The following RAD51D variants were observed in gnomAD, a reference collection of about 807,000 sequenced individuals.
RAD51D encodes the protein DNA repair protein RAD51 homolog 4.
In RAD51D, 38 loss-of-function variants were observed where a neutral mutation model predicts 44.1. That is an observed-to-expected ratio of 0.86 (90% CI 0.67 to 1.13). The LOEUF (loss-of-function observed/expected upper bound fraction) is 1.13. RAD51D is among the 50% of genes most tolerant of loss of function. RAD51D has a pLI of 0.00. For synonymous variants in RAD51D, 141 were observed against 166.6 expected, an observed-to-expected ratio of 0.85 and a Z score of 1.18; for missense variants, 390 against 414.0, an observed-to-expected ratio of 0.94 and a Z score of 0.50.
chr17:35,111,908 C>T (rs966643154), intron 3 of RAD51D, among the ~76,000 whole-genome samples: 2 of 152,210 alleles, frequency 1.3e-5, no homozygotes, highest in Admixed American at 1.3e-4. Context: ...GTCTCCCAAT[C>T]CATGAACAAA....
chr17:35,118,660 T>C lies in RAD51D; in HGVS notation c.145-41A>G, dbSNP rs755696142. On this transcript the variant is annotated intron_variant, in intron 2 of 9. Transcript: ENST00000345365. Reference sequence around the variant, plus strand: ...AGACTGCTCAGCAACAAATTGCCCGTAGAAGCTGGCATCCCAGGGTGTCAT... The same window carrying C: ...AGACTGCTCAGCAACAAATTGCCCGCAGAAGCTGGCATCCCAGGGTGTCAT... 18 of 1,490,928 alleles carry C rather than the reference T, an allele frequency of 1.2e-5. No individual in the cohort carries two copies. The highest frequency in any genetic ancestry group is 1.7e-5 in the Non-Finnish European group (18 of 1,068,250). 92.4% of individuals were successfully genotyped at this position (1,490,928 alleles called of 1,614,324 possible).
In RAD51D at chr17:35,100,705, G is replaced by T. The variant is rs757673099; in HGVS notation, c.*248C>A. 9.5e-6 allele frequency: 6 copies of T among 632,360 alleles called. No homozygotes were observed. Among genetic ancestry groups the T allele is most frequent in the South Asian group, 4.8e-5 (3 of 62,680 alleles). 39.2% of individuals were successfully genotyped at this position (632,360 alleles called of 1,614,324 possible). A position where few individuals can be genotyped will look rare whatever the true frequency, so the allele number is the denominator to read the frequency against. ...CTTGGTTTCCACCAGAAACATACAC[G>T]TTAGAAATAAGGGAAGGAAACGTGG... On this transcript the variant is annotated 3_prime_UTR_variant, in exon 10 of 10. Coordinates refer to ENST00000345365, the MANE Select transcript of RAD51D (RefSeq NM_002878.4).
chr17:35,103,471 C>T lies in RAD51D; in HGVS notation c.650G>A (p.Gly217Glu), dbSNP rs2142420356. ...SVTAVVSPLL[G>E]GQQREGLALM... ...TCACTCACCTTCCCTCTGCTGACCT[C>T]CCAGAAGTGGGGAAACCACCGCAGT... is the stretch of plus-strand genomic sequence containing the variant. Residue 217 changes from glycine (G) to glutamate (E), a missense_variant, in exon 7 of 10, where the codon GGA becomes GAA. Coordinates refer to ENST00000345365, the MANE Select transcript of RAD51D (RefSeq NM_002878.4). This position sits in a 1 kb window ranked among gnomAD's most constrained non-coding sequence, Gnocchi z 4.1. 6.2e-7 allele frequency: 1 copy of T among 1,614,136 alleles called. No individual in the cohort carries two copies. The highest frequency in any genetic ancestry group is 8.5e-7 in the Non-Finnish European group (1 of 1,180,030).
At chr17:35,117,650 C>T (rs141953134) in intron 3 of RAD51D, among the ~76,000 whole-genome samples, 8 of 152,228 alleles carry the variant, frequency 5.3e-5, no homozygotes, top group African/African-American at 1.4e-4. Context: ...CCACCACGCC[C>T]GACTAATTTT....
intron 3 of RAD51D, among the ~76,000 whole-genome samples, chr17:35,116,013 G>GAAAGAAAGAAA (rs1555569879): frequency 1.3e-5 from 2 of 148,738 alleles, no homozygotes; most frequent in Middle Eastern, 3.4e-3. Context: ...AAGAAAGAAA[G>GAAAGAAAGAAA]GCTAGAAACC....
In RAD51D at chr17:35,118,637, A is replaced by G. The variant is rs1567735483; in HGVS notation, c.145-18T>C. On this transcript the variant is annotated intron_variant, in intron 2 of 9. Coordinates refer to ENST00000345365, the MANE Select transcript of RAD51D (RefSeq NM_002878.4). ...ACCAGGGCCTGCCAAAGGGCCCCAGACTGCTCAGCAACAAATTGCCCGTAG... is the reference window on the plus strand; with the variant it reads ...ACCAGGGCCTGCCAAAGGGCCCCAGGCTGCTCAGCAACAAATTGCCCGTAG... 6.3e-7 allele frequency: 1 copy of G among 1,597,926 alleles called. No individual in the cohort carries two copies. The highest frequency in any genetic ancestry group is 8.6e-7 in the Non-Finnish European group (1 of 1,165,366).
chr17:35,119,411 G>C, intron 1 of RAD51D, 121 bp downstream of exon 1: 2 of 1,193,684 alleles, frequency 1.7e-6, no homozygotes, highest in African/African-American at 1.5e-5. Context: ...CCAGAAGCGC[G>C]GCCCTCTAGG....
In RAD51D at chr17:35,101,233, G is replaced by T. The variant is rs372038369; in HGVS notation, c.871C>A (p.Arg291Ser). 1 of 1,614,132 alleles carries T rather than the reference G, an allele frequency of 6.2e-7. No homozygotes were observed. Among genetic ancestry groups the T allele is most frequent in the Non-Finnish European group, 8.5e-7 (1 of 1,180,026 alleles). The change falls in exon 9 of 10, where the codon CGC becomes AGC. Residue 291 changes from arginine (R) to serine (S), a missense_variant. Coordinates refer to ENST00000345365, the MANE Select transcript of RAD51D (RefSeq NM_002878.4). ...IEGAGASGGRRMACLAKSSRQ... is the reference protein window; with the variant it reads ...IEGAGASGGRSMACLAKSSRQ... ...GAAGATTTGGCCAGACACGCCATGC[G>T]CCGGCCGCCTGATGCTCCTGCTCCC...
intron 5 of RAD51D, 36 bp from the exon 6 acceptor site, chr17:35,106,517 T>C: frequency 6.6e-7 from 1 of 1,509,722 alleles, no homozygotes; most frequent in East Asian, 2.3e-5. Flanking sequence ...GGACTTTGGA[T>C]AAGAGGGAGT....
chr17:35,101,147 G>A (rs1377589477), intron 9 of RAD51D, 54 bp downstream of exon 9: 3 of 1,613,568 alleles, frequency 1.9e-6, no homozygotes, highest in African/African-American at 2.7e-5. Flanking sequence ...CTGTGGGTAT[G>A]GAAACCACCC....
chr17:35,107,228 C>T (rs367651345), intron 4 of RAD51D, 106 bp from the exon 5 acceptor site: 16 of 1,491,634 alleles, frequency 1.1e-5, no homozygotes, highest in African/African-American at 8.3e-5. Context: ...GGCTGAGTCC[C>T]GACCCCATTC....
At chr17:35,107,852 T>C (rs186639417) in intron 3 of RAD51D, among the ~76,000 whole-genome samples, 2 of 142,740 alleles carry the variant, frequency 1.4e-5, no homozygotes, top group African/African-American at 2.6e-5. Context: ...CCTCCCAGGC[T>C]CAAGTGATTT....
At chr17:35,101,087 C>T (rs2142409889) in intron 9 of RAD51D, 51 bp from the exon 10 acceptor site, 1 of 1,604,596 alleles carries the variant, frequency 6.2e-7, no homozygotes, top group Non-Finnish European at 8.5e-7. Context: ...AAGTGGGTAG[C>T]TTCTTTAGTT....
At chr17:35,115,896 AAAGGAAGGAAGG>A (rs201705308) in intron 3 of RAD51D, among the ~76,000 whole-genome samples, 1,755 of 84,366 alleles carry the variant, frequency 0.021, 97 homozygotes, top group African/African-American at 0.041. Context: ...GGAAAGAAGG[AAAGGAAGGAAGG>A]AAGGAAGGAA....
In RAD51D at chr17:35,095,216, C is replaced by T. The variant is rs1412905197; in HGVS notation, c.*5737G>A. 6.6e-6 allele frequency: 1 copy of T among 152,218 alleles called. No individual in the cohort carries two copies. Among genetic ancestry groups the T allele is most frequent in the East Asian group, 1.9e-4 (1 of 5,202 alleles). 9.4% of individuals were successfully genotyped at this position (152,218 alleles called of 1,614,324 possible). On this transcript the variant is annotated 3_prime_UTR_variant, in exon 10 of 10. Coordinates refer to ENST00000345365, the MANE Select transcript of RAD51D (RefSeq NM_002878.4). ...TTAAATTTGGGGTCGGGTGTGGTGT[C>T]TCACGCCTGTAATCCAGGCACTTTG...
Position 35,093,033 on chromosome 17 carries a change from T to TG in RAD51D, c.*7919dup, listed in dbSNP as rs1366120493. The stretch of plus-strand genomic sequence containing the variant: ...ACTAAGTGCAGAGCCCTGCTAAGCA[T>TG]GGGGCTGTGTGACTGCACTGGTCAT... On this transcript the variant is annotated 3_prime_UTR_variant, in exon 10 of 10. Transcript: ENST00000345365. The TG allele has an allele frequency of 6.6e-6, 1 of 152,202 alleles. No homozygotes were observed. Among genetic ancestry groups the TG allele is most frequent in the Non-Finnish European group, 1.5e-5 (1 of 68,038 alleles). 9.4% of individuals were successfully genotyped at this position (152,202 alleles called of 1,614,324 possible). A position where few individuals can be genotyped will look rare whatever the true frequency, so the allele number is the denominator to read the frequency against.
At position 35,116,870 on chromosome 17, in the gene RAD51D, G is replaced by A. The variant is rs553120392; in HGVS notation, c.263+1631C>T. On this transcript the variant is annotated intron_variant, in intron 3 of 9. Coordinates refer to ENST00000345365, the MANE Select transcript of RAD51D (RefSeq NM_002878.4). The stretch of plus-strand genomic sequence containing the variant: ...ATGAAATAATGTACCGTGAAGTGCT[G>A]ACCGCAGTGCCTCGTTCATCGAAAG... 42 of 1,550,616 alleles carry A rather than the reference G, an allele frequency of 2.7e-5. 1 individual carries two copies. In the South Asian group the frequency reaches 4.3e-4, roughly 16 times the overall value.
chr17:35,101,966 G>A (rs1474253323), intron 8 of RAD51D, among the ~76,000 whole-genome samples: 1 of 152,144 alleles, frequency 6.6e-6, no homozygotes, highest in Non-Finnish European at 1.5e-5. Context: ...TATAGAGATG[G>A]ATGGTGGTGA....
Position 35,103,157 on chromosome 17 carries a change from A to G in RAD51D, c.738+97T>C. Reference sequence around the variant, plus strand: ...GGAAGCTGGGATATGTCCCTTTCCTAAAGGGCCACTTTGGGGTTCAGAAGC... The same window carrying G: ...GGAAGCTGGGATATGTCCCTTTCCTGAAGGGCCACTTTGGGGTTCAGAAGC... On this transcript the variant is annotated intron_variant, in intron 8 of 9. Transcript: ENST00000345365. This position sits in a 1 kb window ranked among gnomAD's most constrained non-coding sequence, Gnocchi z 4.1. The G allele has an allele frequency of 7.9e-7, 1 of 1,259,332 alleles. No individual in the cohort carries two copies. Among genetic ancestry groups the G allele is most frequent in the South Asian group, 1.3e-5 (1 of 77,964 alleles). 78.0% of individuals were successfully genotyped at this position (1,259,332 alleles called of 1,614,324 possible). A position where few individuals can be genotyped will look rare whatever the true frequency, so the allele number is the denominator to read the frequency against.
Sources: allele counts gnomAD v4.1 joint callset (sites outside exome capture counted in the v4.1 genomes callset), GRCh38; gene constraint gnomAD v4.1.1; non-coding constraint Gnocchi (gnomAD v3.1); transcripts MANE v1.5; gene names NCBI Gene and HGNC (gene_info 2026-07-23, HGNC 2026-07-21).